Variants in FHIT observed in about 807,000 individuals in gnomAD.
FHIT encodes bis(5'-adenosyl)-triphosphatase.
Under a neutral mutation model 17.9 loss-of-function variants are expected in FHIT, and 19 were observed. The observed-to-expected ratio is 1.06, with a 90% CI of 0.74 to 1.56. FHIT has a LOEUF of 1.56. Among genes scored for constraint, FHIT ranks in the 40% most tolerant of loss-of-function variants. FHIT has a pLI of 0.00. For synonymous variants in FHIT, 81 were observed against 69.7 expected (o/e 1.16, Z -0.81); for missense variants, 248 against 189.2 (o/e 1.31, Z -1.82).
intron 4 of FHIT, among the ~76,000 whole-genome samples, chr3:60,646,333 T>C (rs2039856252): frequency 6.6e-6 from 1 of 152,188 alleles, no homozygotes; most frequent in South Asian, 2.1e-4. Flanking sequence ...AGCAAAATGG[T>C]ATTAAATCTG....
At chr3:59,824,997 AG>A (rs1159341857) in intron 8 of FHIT, among the ~76,000 whole-genome samples, 1 of 152,192 alleles carries the variant, frequency 6.6e-6, no homozygotes, top group Non-Finnish European at 1.5e-5. Flanking sequence ...AGGTTTTCAA[AG>A]GACTTTTGAA....
intron 5 of FHIT, among the ~76,000 whole-genome samples, chr3:60,234,688 G>A (rs1704676943): frequency 6.6e-6 from 1 of 152,140 alleles, no homozygotes; most frequent in Non-Finnish European, 1.5e-5. Context: ...TGATTTTGAA[G>A]ATTTTCCCAT....
chr3:60,073,770 C>T (rs1192834143), intron 5 of FHIT, among the ~76,000 whole-genome samples: 1 of 152,138 alleles, frequency 6.6e-6, no homozygotes, highest in East Asian at 1.9e-4. Flanking sequence ...AATCACTCCA[C>T]TCCTGCCCTT....
rs530293702 is a variant in FHIT at position 60,377,349 on chromosome 3, G to A, written c.103+159511C>T. 5.5e-4 allele frequency among the ~76,000 whole-genome samples: 83 copies of A among 151,890 alleles called. 1 individual carries two copies. The highest frequency in any genetic ancestry group is 7.4e-4 in the Non-Finnish European group (50 of 67,946). On this transcript the variant is annotated intron_variant, in intron 5 of 9. Coordinates refer to ENST00000492590, the MANE Select transcript of FHIT (RefSeq NM_002012.4). ...GCTAATTTTTGTTTTAGTAGAGACG[G>A]GGTTTCACCATATTGGCCAGGATGG... is the stretch of plus-strand genomic sequence containing the variant.
chr3:59,944,379 C>T (rs1706689824), intron 7 of FHIT, among the ~76,000 whole-genome samples: 1 of 152,162 alleles, frequency 6.6e-6, no homozygotes, highest in African/African-American at 2.4e-5. Flanking sequence ...TTTGGGGAGG[C>T]ACTCCTGTTC....
At chr3:60,823,450 C>T (rs1702000411) in intron 3 of FHIT, among the ~76,000 whole-genome samples, 1 of 151,934 alleles carries the variant, frequency 6.6e-6, no homozygotes, top group South Asian at 2.1e-4. Flanking sequence ...GCCTCTCATC[C>T]AATATGATTG....
At chr3:60,757,192 T>C (rs1238615476) in intron 4 of FHIT, among the ~76,000 whole-genome samples, 1 of 152,168 alleles carries the variant, frequency 6.6e-6, no homozygotes, top group African/African-American at 2.4e-5. Context: ...AAGCTATTTT[T>C]TCACTATTGC....
At chr3:60,519,658 A>T (rs1338818696) in intron 5 of FHIT, among the ~76,000 whole-genome samples, 1 of 152,246 alleles carries the variant, frequency 6.6e-6, no homozygotes, top group East Asian at 1.9e-4. Flanking sequence ...TATTGATACC[A>T]TAGCTTGACA....
intron 2 of FHIT, among the ~76,000 whole-genome samples, chr3:61,083,211 T>C (rs2035198196): frequency 6.6e-6 from 1 of 152,238 alleles, no homozygotes; most frequent in Non-Finnish European, 1.5e-5. Context: ...ACCAATCAAG[T>C]GTATGTGACT....
At chr3:60,190,711 A>G (rs1274704117) in intron 5 of FHIT, among the ~76,000 whole-genome samples, 2 of 152,134 alleles carry the variant, frequency 1.3e-5, no homozygotes, top group Non-Finnish European at 2.9e-5. Context: ...ACATGTATAC[A>G]TATGTAACTA....
chr3:61,097,674 G>C (rs1422317150), intron 2 of FHIT, among the ~76,000 whole-genome samples: 1 of 151,906 alleles, frequency 6.6e-6, no homozygotes, highest in Non-Finnish European at 1.5e-5. Context: ...TCTCATTGTG[G>C]TTTTGATTTG....
In FHIT at chr3:59,749,363, G is replaced by A; in HGVS notation, c.*222C>T. On this transcript the variant is annotated 3_prime_UTR_variant, in exon 10 of 10. Coordinates refer to ENST00000492590, the MANE Select transcript of FHIT (RefSeq NM_002012.4). ...AGGCTGCCGAATAAGGAGACAGGGG[G>A]AAACCTCAAATCTGCCTGTCTGAGC... is the stretch of plus-strand genomic sequence containing the variant. 4.3e-6 allele frequency: 1 copy of A among 231,776 alleles called. No individual in the cohort carries two copies. The allele number at this position is 231,776 out of a possible 1,614,324, so 14.4% of individuals were successfully genotyped here.
At chr3:60,932,133 C>T (rs180944153) in intron 3 of FHIT, among the ~76,000 whole-genome samples, 6 of 152,348 alleles carry the variant, frequency 3.9e-5, no homozygotes, top group Admixed American at 3.9e-4. Context: ...TGATAAGCCT[C>T]TGATGAAGAA....
At chr3:61,201,820 T>C (rs1453369279) in intron 1 of FHIT, among the ~76,000 whole-genome samples, 2 of 152,166 alleles carry the variant, frequency 1.3e-5, no homozygotes, top group East Asian at 1.9e-4. Context: ...TAGTGTAATA[T>C]TGCATTTGTG....
At chr3:60,301,719 A>C (rs1317477142) in intron 5 of FHIT, among the ~76,000 whole-genome samples, 1 of 152,162 alleles carries the variant, frequency 6.6e-6, no homozygotes, top group Non-Finnish European at 1.5e-5. Flanking sequence ...GATTAGGATA[A>C]ACATTGAAAA....
rs181547060 is a variant in FHIT at position 60,328,883 on chromosome 3, G to A, written c.103+207977C>T. Among the ~76,000 whole-genome samples the A allele has an allele frequency of 2.3e-4, 35 of 152,246 alleles. No individual in the cohort carries two copies. In the East Asian group the frequency reaches 6.0e-3, roughly 26 times the overall value. On this transcript the variant is annotated intron_variant, in intron 5 of 9. Transcript: ENST00000492590. ...TCTAGAGTAAGCAATAAATGAAAATGGTGCCTTTAATTTCAAATTATAAGG... is the reference window on the plus strand; with the variant it reads ...TCTAGAGTAAGCAATAAATGAAAATAGTGCCTTTAATTTCAAATTATAAGG...
At chr3:59,842,478 G>T (rs1311468136) in intron 8 of FHIT, among the ~76,000 whole-genome samples, 2 of 152,048 alleles carry the variant, frequency 1.3e-5, no homozygotes, top group East Asian at 1.9e-4. Context: ...TTTTAATTTT[G>T]TGAGAAACTG....
At chr3:59,911,168 C>T in intron 8 of FHIT, among the ~76,000 whole-genome samples, 1 of 152,248 alleles carries the variant, frequency 6.6e-6, no homozygotes, top group East Asian at 1.9e-4. Context: ...TTGATGGCTA[C>T]ATAGATGAAT....
At chr3:60,457,044 T>C (rs1210569097) in intron 5 of FHIT, among the ~76,000 whole-genome samples, 1 of 152,154 alleles carries the variant, frequency 6.6e-6, no homozygotes, top group Non-Finnish European at 1.5e-5. Context: ...CCCATCAAGA[T>C]ACTAAGGACT....
Sources: gnomAD v4.1 joint callset for allele counts (sites outside exome capture counted in the v4.1 genomes callset) on GRCh38, gnomAD v4.1.1 for gene constraint, MANE v1.5 for transcripts, NCBI Gene and HGNC (gene_info 2026-07-23, HGNC 2026-07-21) for gene names.